The following CCDC93 variants were observed in gnomAD, a reference collection of about 807,000 sequenced individuals.
CCDC93 encodes CCC complex scaffolding subunit CCDC93.
A neutral mutation model predicts 108.2 loss-of-function variants in CCDC93; 61 were observed. That is an observed-to-expected ratio of 0.56 (90% CI 0.46 to 0.70). The LOEUF (loss-of-function observed/expected upper bound fraction) is 0.70, where lower values mean the gene tolerates loss of function less well. Among genes scored for constraint, CCDC93 ranks in the 30% least tolerant of loss-of-function variants. The probability of loss-of-function intolerance (pLI) is 0.00; values close to 1 mark genes in which losing one functional copy is unlikely to be tolerated. For synonymous variants in CCDC93, 276 were observed against 260.4 expected (o/e 1.06, Z -0.58); for missense variants, 685 against 764.2 (o/e 0.90, Z 1.22).
chr2:117,958,757 A>G (rs1459493274), intron 11 of CCDC93, among the ~76,000 whole-genome samples: 1 of 152,224 alleles, frequency 6.6e-6, no homozygotes, highest in African/African-American at 2.4e-5. Flanking sequence ...CATATAGGCA[A>G]CAGGTATCAT....
chr2:117,934,445 T>C (rs1340022657), intron 22 of CCDC93: 1 of 152,216 alleles, frequency 6.6e-6, no homozygotes, highest in Non-Finnish European at 1.5e-5. Context: ...CTGACTTATG[T>C]CGTTCTCATT....
intron 1 of CCDC93, chr2:118,013,032 C>T (rs1303383236): frequency 6.6e-6 from 1 of 152,194 alleles, no homozygotes; most frequent in African/African-American, 2.4e-5. Context: ...AGAGGTGCGG[C>T]GTGGCTTCCA....
At chr2:117,924,295 T>C (rs1043385813) in intron 23 of CCDC93, among the ~76,000 whole-genome samples, 3 of 151,830 alleles carry the variant, frequency 2.0e-5, no homozygotes, top group Non-Finnish European at 2.9e-5. Context: ...CTTTGATGAG[T>C]TGAGAGAAGA....
chr2:117,924,314 G>C (rs901975769), intron 23 of CCDC93, among the ~76,000 whole-genome samples: 2 of 152,314 alleles, frequency 1.3e-5, no homozygotes, highest in East Asian at 1.9e-4. Flanking sequence ...GAACGCTTCA[G>C]ACGATCAAAC....
chr2:117,952,274 C>CCA (rs1194466733), intron 13 of CCDC93, 99 bp downstream of exon 13: 1 of 845,302 alleles, frequency 1.2e-6, no homozygotes, highest in Non-Finnish European at 2.1e-6. Context: ...ATCGTGTCTC[C>CCA]CACACACAGA....
At chr2:117,943,635 T>A (rs1470818257) in intron 18 of CCDC93, among the ~76,000 whole-genome samples, 2 of 152,256 alleles carry the variant, frequency 1.3e-5, no homozygotes, top group Non-Finnish European at 2.9e-5. Context: ...GGATTTTAAA[T>A]GTAATTTTGA....
intron 23 of CCDC93, among the ~76,000 whole-genome samples, chr2:117,920,958 C>T (rs145286082): frequency 0.15 from 23,414 of 151,946 alleles, 2,069 homozygotes; most frequent in South Asian, 0.22. Context: ...CCGAGGCAGG[C>T]GGATCATGAG....
intron 22 of CCDC93, among the ~76,000 whole-genome samples, chr2:117,932,612 G>T (rs1020157904): frequency 6.6e-6 from 1 of 152,176 alleles, no homozygotes; most frequent in Non-Finnish European, 1.5e-5. Flanking sequence ...CCAGTTTGGT[G>T]CCCTCCCTTG....
chr2:117,983,707 A>C (rs1055204737), intron 7 of CCDC93, among the ~76,000 whole-genome samples: 5 of 138,964 alleles, frequency 3.6e-5, no homozygotes, highest in African/African-American at 1.4e-4. Context: ...AATGGGAAAG[A>C]TCTCCATGCA....
chr2:117,959,063 C>T (rs1679307848), intron 11 of CCDC93, among the ~76,000 whole-genome samples: 3 of 152,084 alleles, frequency 2.0e-5, no homozygotes, highest in Admixed American at 2.0e-4. Context: ...TTCTGCAACT[C>T]TATAAGGGAG....
At chr2:117,986,357 G>A (rs1213260850) in intron 6 of CCDC93, among the ~76,000 whole-genome samples, 2 of 152,020 alleles carry the variant, frequency 1.3e-5, no homozygotes, top group African/African-American at 4.8e-5. Context: ...CAGGTCTTCA[G>A]CCCCAATGAA....
At chr2:117,945,816 T>C (rs932634290) in intron 16 of CCDC93, among the ~76,000 whole-genome samples, 1 of 152,216 alleles carries the variant, frequency 6.6e-6, no homozygotes, top group Non-Finnish European at 1.5e-5. Flanking sequence ...CAGTAAACCG[T>C]ATAGCTCTTT....
chr2:117,951,989 G>T (rs1423684241), intron 13 of CCDC93, among the ~76,000 whole-genome samples: 2 of 152,024 alleles, frequency 1.3e-5, no homozygotes, highest in African/African-American at 2.4e-5. Context: ...TCACTCTCAA[G>T]GAATTCAGGA....
rs116034906 is a variant in CCDC93, at chr2:117,980,081, C to T, written c.621-2051G>A. Among the ~76,000 whole-genome samples the T allele has an allele frequency of 9.8e-3, 1,493 of 152,252 alleles. 16 individuals carry two copies. Among genetic ancestry groups the T allele is most frequent in the Non-Finnish European group, 0.017 (1,147 of 68,006 alleles). ...TGACAGAAGCAGCGTGGTTTCCTTC[C>T]TTGTCAAGCCGCTATAGCACCAGCT... is the stretch of plus-strand genomic sequence containing the variant. On this transcript the variant is annotated intron_variant, in intron 7 of 23. Coordinates refer to ENST00000376300, the MANE Select transcript of CCDC93 (RefSeq NM_019044.5).
intron 12 of CCDC93, among the ~76,000 whole-genome samples, chr2:117,954,164 C>T (rs1160627389): frequency 6.6e-6 from 1 of 152,174 alleles, no homozygotes; most frequent in Non-Finnish European, 1.5e-5. Flanking sequence ...AGCCTCTCAC[C>T]CCTGCACCCA....
intron 3 of CCDC93, 52 bp from the exon 4 acceptor site, chr2:118,000,984 T>TGCCA: frequency 9.2e-7 from 1 of 1,088,660 alleles, no homozygotes; most frequent in Non-Finnish European, 1.4e-6. Context: ...GTAGCCTTTA[T>TGCCA]GGCATCTCTA....
intron 1 of CCDC93, among the ~76,000 whole-genome samples, chr2:118,010,004 A>T (rs761064918): frequency 2.6e-5 from 4 of 151,868 alleles, no homozygotes; most frequent in Non-Finnish European, 5.9e-5. Context: ...GGCTCACTGT[A>T]CTCGGATCCC....
intron 11 of CCDC93, among the ~76,000 whole-genome samples, chr2:117,966,641 T>C (rs1362975034): frequency 6.6e-6 from 1 of 152,248 alleles, no homozygotes; most frequent in Non-Finnish European, 1.5e-5. Flanking sequence ...AGATCTGCTC[T>C]AATCAAATGT....
chr2:117,988,872 C>T (rs763726524), intron 6 of CCDC93, among the ~76,000 whole-genome samples: 1 of 152,190 alleles, frequency 6.6e-6, no homozygotes, highest in Non-Finnish European at 1.5e-5. Context: ...ATGAGCTCTG[C>T]TATGTAAGTA....
Sources: gnomAD v4.1 joint callset for allele counts (sites outside exome capture counted in the v4.1 genomes callset) on GRCh38, gnomAD v4.1.1 for gene constraint, MANE v1.5 for transcripts, NCBI Gene and HGNC (gene_info 2026-07-23, HGNC 2026-07-21) for gene names.